The following POR variants were observed in gnomAD, a reference collection of about 807,000 sequenced individuals.
The protein encoded by POR is cytochrome p450 oxidoreductase, also known as NADPH--cytochrome P450 reductase.
A neutral mutation model predicts 84.0 loss-of-function variants in POR; 56 were observed. The ratio of observed to expected loss-of-function variants is 0.67; its 90% CI spans 0.54 to 0.83. The LOEUF (loss-of-function observed/expected upper bound fraction) is 0.83. POR is among the 40% of genes least tolerant of loss of function. The probability of loss-of-function intolerance (pLI) is 0.00; values close to 1 mark genes in which losing one functional copy is unlikely to be tolerated. For synonymous variants in POR, 414 were observed against 400.5 expected (o/e 1.03, Z -0.40); for missense variants, 938 against 944.3 (o/e 0.99, Z 0.09).
At chr7:75,967,655 T>A (rs556544699) in intron 2 of POR, among the ~76,000 whole-genome samples, 3 of 151,604 alleles carry the variant, frequency 2.0e-5, no homozygotes, top group South Asian at 2.1e-4. Flanking sequence ...TTTTTTTTTT[T>A]AATGGGAAAC....
At chr7:75,953,876 A>T (rs1163456062) in intron 1 of POR, 113 bp from the exon 2 acceptor site, 2 of 808,564 alleles carry the variant, frequency 2.5e-6, no homozygotes, top group Non-Finnish European at 3.8e-6. Flanking sequence ...CCGTGCAGTG[A>T]CCATTTCCTG....
At chr7:75,940,198 C>G (rs201528943) in intron 1 of POR, among the ~76,000 whole-genome samples, 3 of 152,142 alleles carry the variant, frequency 2.0e-5, no homozygotes, top group East Asian at 3.9e-4. Context: ...ATTCTCCTGC[C>G]TCAGCCTCCC....
rs782397055 is a variant in POR at position 75,985,698 on chromosome 7, C to A, written c.1518C>A (p.Asn506Lys). 3 of 1,589,154 alleles carry A rather than the reference C, an allele frequency of 1.9e-6. No individual in the cohort carries two copies. In the African/African-American group the frequency reaches 4.0e-5, roughly 21 times the overall value. The change falls in exon 13 of 16, where the codon AAC becomes AAA. Residue 506 changes from asparagine (N) to lysine (K), a missense_variant. Asn to Lys is a moderately conservative substitution (Grantham distance 94). Coordinates refer to ENST00000461988, the MANE Select transcript of POR (RefSeq NM_000941.3). ...GGGCCAAGGAGCCTGCCGGGGAGAA[C>A]GGCGGCCGTGCGCTGGTGCCCATGT...
At chr7:75,985,419 A>G in intron 12 of POR, 160 bp from the exon 13 acceptor site, 1 of 1,137,252 alleles carries the variant, frequency 8.8e-7, no homozygotes, top group Non-Finnish European at 1.2e-6. Flanking sequence ...CCCCAGAACC[A>G]GTCCGGGAAG....
At chr7:75,953,830 G>T (rs1554553275) in intron 1 of POR, among the ~76,000 whole-genome samples, 159 bp from the exon 2 acceptor site, 1 of 152,126 alleles carries the variant, frequency 6.6e-6, no homozygotes, top group African/African-American at 2.4e-5. Flanking sequence ...TGGCTGTCTT[G>T]GCAGGAACCT....
At chr7:75,951,767 G>A (rs1554552858) in intron 1 of POR, among the ~76,000 whole-genome samples, 1 of 152,244 alleles carries the variant, frequency 6.6e-6, no homozygotes, top group Non-Finnish European at 1.5e-5. Flanking sequence ...TTTCAGGGCT[G>A]AGCCCAGCCT....
intron 1 of POR, among the ~76,000 whole-genome samples, chr7:75,916,732 A>G (rs1554548123): frequency 6.6e-6 from 1 of 152,196 alleles, no homozygotes; most frequent in East Asian, 1.9e-4. Flanking sequence ...TGAAGAAATA[A>G]TAGGTAGATT....
rs782435774 is a variant in POR at position 75,985,089 on chromosome 7, G to A, written c.1280G>A (p.Arg427Gln). Residue 427 changes from arginine (R) to glutamine (Q), a missense_variant, in exon 12 of 16, where the codon CGG becomes CAG. Transcript: ENST00000461988. ...TACCTGAGCTGGGTGGTGGAGGCCC[G>A]GAGGCACATCCTGGCCATCCTGCAG... 1.3e-5 allele frequency: 21 copies of A among 1,599,736 alleles called. No homozygotes were observed. Among genetic ancestry groups the A allele is most frequent in the Non-Finnish European group, 1.4e-5 (17 of 1,179,318 alleles).
rs4732516 is a variant in POR at position 75,984,764 on chromosome 7, C to G, written c.1067-13C>G. The G allele has an allele frequency of 0.94, 1,507,531 of 1,611,828 alleles. 710,378 individuals are homozygous for G. The highest frequency in any genetic ancestry group is 0.96 in the Non-Finnish European group (1,134,574 of 1,179,354). ...GCCGCCTACCCCAAGTCCTGCCTGT[C>G]TCTTCCCTGCAGAGGAGTCCAACAA... On this transcript the variant is annotated splice_polypyrimidine_tract_variant and intron_variant, in intron 10 of 15. Transcript: ENST00000461988.
rs1554559536 is a variant in POR, at chr7:75,986,495, C to T, written c.*14C>T. The T allele has an allele frequency of 2.5e-6, 4 of 1,604,090 alleles. No individual in the cohort carries two copies. The highest frequency in any genetic ancestry group is 3.4e-6 in the Non-Finnish European group (4 of 1,178,714). On this transcript the variant is annotated 3_prime_UTR_variant, in exon 16 of 16. Coordinates refer to ENST00000461988, the MANE Select transcript of POR (RefSeq NM_000941.3). ...GTGTGGAGCTAGGGGCCTGCCTGCC[C>T]CACCCACCCCACAGACTCCGGCCTG...
At chr7:75,966,267 G>C (rs1308731176) in intron 2 of POR, among the ~76,000 whole-genome samples, 3 of 152,150 alleles carry the variant, frequency 2.0e-5, no homozygotes, top group Non-Finnish European at 4.4e-5. Flanking sequence ...GTCTCCAGCA[G>C]CTGCCCTCCC....
chr7:75,931,786 A>G (rs1456944728), intron 1 of POR, among the ~76,000 whole-genome samples: 1 of 151,928 alleles, frequency 6.6e-6, no homozygotes, highest in African/African-American at 2.4e-5. Context: ...CTTAACCACT[A>G]CCAGACTCAC....
chr7:75,979,538 G>C lies in POR; in HGVS notation c.325G>C (p.Gly109Arg). 1 of 1,613,654 alleles carries C rather than the reference G, an allele frequency of 6.2e-7. No homozygotes were observed. The highest frequency in any genetic ancestry group is 8.5e-7 in the Non-Finnish European group (1 of 1,179,852). Reference sequence around the variant, plus strand: ...CCTGTCCAAGGACGCCCACCGCTACGGGATGCGAGGCATGTCAGCGGACCC... The same window carrying C: ...CCTGTCCAAGGACGCCCACCGCTACCGGATGCGAGGCATGTCAGCGGACCC... The change falls in exon 4 of 16, where the codon GGG (glycine) becomes CGG (arginine). Residue 109 changes from glycine to arginine, a missense_variant. By Grantham distance (125) the Gly-to-Arg change is moderately radical. Coordinates refer to ENST00000461988, the MANE Select transcript of POR (RefSeq NM_000941.3).
chr7:75,981,776 C>T lies in POR; in HGVS notation c.731+170C>T, dbSNP rs1043272935. ...CAAGGACTCACTCTGCCACGTTGCTCTGCACTGCCCTGGGGCAGCGGGGTG... is the reference window on the plus strand; with the variant it reads ...CAAGGACTCACTCTGCCACGTTGCTTTGCACTGCCCTGGGGCAGCGGGGTG... On this transcript the variant is annotated intron_variant, in intron 7 of 15. Transcript: ENST00000461988. 9 of 619,570 alleles carry T rather than the reference C, an allele frequency of 1.5e-5. No individual in the cohort carries two copies. The East Asian group carries it at 2.5e-4, about 17-fold the overall frequency. 38.4% of individuals were successfully genotyped at this position (619,570 alleles called of 1,614,324 possible).
chr7:75,981,448 C>A, intron 6 of POR, 69 bp from the exon 7 acceptor site: 1 of 1,449,964 alleles, frequency 6.9e-7, no homozygotes, highest in Non-Finnish European at 9.5e-7. Context: ...TCGGGGCGTG[C>A]CTGGCACCAG....
intron 2 of POR, among the ~76,000 whole-genome samples, chr7:75,970,374 C>T (rs1467225453): frequency 6.0e-5 from 9 of 150,162 alleles, no homozygotes; most frequent in Admixed American, 2.0e-4. Context: ...GAGCTATGAT[C>T]GCACCGCACG....
chr7:75,953,720 C>T (rs910354714), intron 1 of POR, among the ~76,000 whole-genome samples: 9 of 152,172 alleles, frequency 5.9e-5, no homozygotes, highest in African/African-American at 9.7e-5. Context: ...TTCCAGGGAC[C>T]CAGTCCCAGC....
rs782566269 is a variant in POR at position 75,986,479 on chromosome 7, T to G, written c.2041T>G (p.Ter681GluextTer14). Residue 681 changes from the stop codon to glutamate (E), a stop_lost, in exon 16 of 16, where the codon TAG becomes GAG. Transcript: ENST00000461988. ...CCGCTACTCCCTGGACGTGTGGAGC[T>G]AGGGGCCTGCCTGCCCCACCCACCC... The G allele has an allele frequency of 3.7e-6, 6 of 1,608,372 alleles. No individual in the cohort carries two copies. The South Asian group carries it at 6.6e-5, about 18-fold the overall frequency.
chr7:75,953,774 G>A (rs1554553264), intron 1 of POR, among the ~76,000 whole-genome samples: 1 of 152,182 alleles, frequency 6.6e-6, no homozygotes, highest in Non-Finnish European at 1.5e-5. Flanking sequence ...GGCTGGTGCT[G>A]ACACCACTGG....
Sources: allele counts gnomAD v4.1 joint callset (sites outside exome capture counted in the v4.1 genomes callset), GRCh38; gene constraint gnomAD v4.1.1; transcripts MANE v1.5; gene names NCBI Gene and HGNC (gene_info 2026-07-23, HGNC 2026-07-21).